Variants in AFAP1 observed in about 807,000 individuals in gnomAD.
The protein encoded by AFAP1 is actin filament-associated protein 1.
AFAP1 carries 75 observed loss-of-function variants against 93.9 expected under a neutral mutation model. That is an observed-to-expected ratio of 0.80 (90% confidence interval 0.66 to 0.97). AFAP1 has a LOEUF of 0.97. AFAP1 is among the 50% of genes least tolerant of loss of function. AFAP1 has a pLI of 0.00. For synonymous variants in AFAP1, 517 were observed against 430.7 expected, an observed-to-expected ratio of 1.20 and a Z score of -2.48; for missense variants, 1,201 against 1,050.8, an observed-to-expected ratio of 1.14 and a Z score of -1.98.
At chr4:7,929,029 C>A (rs1720920898) in intron 1 of AFAP1, among the ~76,000 whole-genome samples, 2 of 152,226 alleles carry the variant, frequency 1.3e-5, no homozygotes, top group African/African-American at 4.8e-5. Context: ...GAAATGCCTT[C>A]CACCGTGGTA....
chr4:7,809,496 C>G, intron 9 of AFAP1, 118 bp downstream of exon 9: 1 of 1,220,246 alleles, frequency 8.2e-7, no homozygotes, highest in Non-Finnish European at 1.1e-6. Context: ...GATTCCAAGT[C>G]CAATGCAAAA....
intron 15 of AFAP1, 165 bp downstream of exon 15, chr4:7,774,574 T>C: frequency 2.7e-6 from 3 of 1,107,584 alleles, no homozygotes; most frequent in Non-Finnish European, 3.7e-6. Context: ...TGCCTCGGGG[T>C]TACCAGCAAT....
chr4:7,930,143 C>T (rs1720983606), intron 1 of AFAP1, among the ~76,000 whole-genome samples: 1 of 152,194 alleles, frequency 6.6e-6, no homozygotes, highest in Admixed American at 6.5e-5. Flanking sequence ...AAGTGCTTGG[C>T]ACTTACTTAC....
intron 11 of AFAP1, among the ~76,000 whole-genome samples, chr4:7,792,909 C>T (rs753029357): frequency 3.3e-5 from 5 of 152,290 alleles, no homozygotes; most frequent in African/African-American, 9.6e-5. Flanking sequence ...ATTATTCATA[C>T]GGCGAAGGGC....
chr4:7,890,371 G>C (rs949570989), intron 1 of AFAP1, among the ~76,000 whole-genome samples: 1 of 152,128 alleles, frequency 6.6e-6, no homozygotes, highest in East Asian at 1.9e-4. Flanking sequence ...CCAAATACAA[G>C]AATTACCTTA....
chr4:7,916,381 T>G (rs1224886617), intron 1 of AFAP1, among the ~76,000 whole-genome samples: 2 of 152,200 alleles, frequency 1.3e-5, no homozygotes, highest in Non-Finnish European at 2.9e-5. Flanking sequence ...GACACCGTCT[T>G]TATTTCCAAG....
At chr4:7,798,184 ACTGCAACTCTATTGGCTGGCTCACG>A (rs1718640285) in intron 10 of AFAP1, among the ~76,000 whole-genome samples, 7 of 115,054 alleles carry the variant, frequency 6.1e-5, no homozygotes, top group South Asian at 2.8e-4. Context: ...GGCTCACGGC[ACTGCAACTCTATTGGCTGGCTCACG>A]GCACTGCAAC....
At chr4:7,918,542 G>C (rs12509838) in intron 1 of AFAP1, among the ~76,000 whole-genome samples, 31,152 of 77,648 alleles carry the variant, frequency 0.4, 8,584 homozygotes, top group East Asian at 0.72. Flanking sequence ...AGGTCACCAA[G>C]AAACAGGGCT....
At chr4:7,788,202 G>A (rs530342808) in intron 11 of AFAP1, among the ~76,000 whole-genome samples, 2 of 152,376 alleles carry the variant, frequency 1.3e-5, no homozygotes, top group African/African-American at 4.8e-5. Flanking sequence ...GGACCACCCT[G>A]ACAGCATTTC....
intron 1 of AFAP1, among the ~76,000 whole-genome samples, chr4:7,907,340 G>A (rs113061324): frequency 0.02 from 3,087 of 152,200 alleles, 106 homozygotes; most frequent in African/African-American, 0.071. Context: ...TGTAAATGTT[G>A]ACTAACAATT....
intron 14 of AFAP1, chr4:7,775,806 G>A (rs1305368014): frequency 6.6e-6 from 1 of 152,136 alleles, no homozygotes; most frequent in African/African-American, 2.4e-5. Context: ...TCACTGAGTG[G>A]TTACGAGGAT....
chr4:7,865,285 C>G (rs920845784), intron 3 of AFAP1, among the ~76,000 whole-genome samples: 3 of 152,116 alleles, frequency 2.0e-5, no homozygotes, highest in Admixed American at 2.0e-4. Context: ...GCATTAAGCA[C>G]CAGGAGGGAG....
intron 9 of AFAP1, 90 bp downstream of exon 9, chr4:7,809,524 C>G: frequency 6.9e-7 from 1 of 1,442,454 alleles, no homozygotes; most frequent in Admixed American, 2.2e-5. Flanking sequence ...AATTAACGAG[C>G]CTTGGATGAA....
Position 7,772,895 on chromosome 4 carries a change from G to A in AFAP1, c.2178C>T (p.Ser726=), listed in dbSNP as rs1214707651. 6.2e-7 allele frequency: 1 copy of A among 1,614,144 alleles called. No homozygotes were observed. Among genetic ancestry groups the A allele is most frequent in the Admixed American group, 1.7e-5 (1 of 60,030 alleles). Residue 726 remains serine (S), a synonymous_variant, in exon 16 of 18, where the codon AGC becomes AGT. Transcript: ENST00000420658. The part of the protein sequence containing the change: ...LELELTEVKE[S]LKKALAGGVT... ...CTCCGCCCGCCAGCGCTTTCTTCAG[G>A]CTCTCCTTGACCTCCGTCAGCTCCA...
intron 17 of AFAP1, among the ~76,000 whole-genome samples, 184 bp from the exon 18 acceptor site, chr4:7,763,975 A>C (rs1385732625): frequency 6.6e-6 from 1 of 152,218 alleles, no homozygotes; most frequent in East Asian, 1.9e-4. Context: ...AATGGAGAGC[A>C]TGGTCTCCAG....
At chr4:7,812,256 A>T (rs1201166998) in intron 8 of AFAP1, among the ~76,000 whole-genome samples, 2 of 152,134 alleles carry the variant, frequency 1.3e-5, no homozygotes, top group Admixed American at 6.5e-5. Flanking sequence ...ACCCTCAGAA[A>T]GGCTGGTGGA....
intron 3 of AFAP1, among the ~76,000 whole-genome samples, chr4:7,860,959 C>T (rs960945686): frequency 2.0e-5 from 3 of 152,196 alleles, no homozygotes; most frequent in Non-Finnish European, 2.9e-5. Context: ...GGCACTCCGC[C>T]CTCTGTCTGC....
intron 2 of AFAP1, 45 bp downstream of exon 2, chr4:7,871,907 C>G (rs760042040): frequency 2.5e-6 from 4 of 1,604,730 alleles, no homozygotes; most frequent in South Asian, 2.3e-5. Context: ...ATTTAGAAGC[C>G]AAGACACTGT....
intron 6 of AFAP1, among the ~76,000 whole-genome samples, chr4:7,832,058 C>G (rs1008027238): frequency 2.6e-4 from 39 of 152,144 alleles, no homozygotes; most frequent in African/African-American, 9.2e-4. Flanking sequence ...AGGCTGTCAG[C>G]TGACAAATGA....
Sources: gnomAD v4.1 joint callset for allele counts (sites outside exome capture counted in the v4.1 genomes callset) on GRCh38, gnomAD v4.1.1 for gene constraint, MANE v1.5 for transcripts, NCBI Gene and HGNC (gene_info 2026-07-23, HGNC 2026-07-21) for gene names.